The following HDAC9 variants were observed in gnomAD, a reference collection of about 807,000 sequenced individuals.
The protein encoded by HDAC9 is MEF-2 interacting transcription repressor (MITR) protein.
HDAC9 carries 41 observed loss-of-function variants against 139.4 expected under a neutral mutation model. The ratio of observed to expected loss-of-function variants is 0.29; its 90% CI spans 0.23 to 0.38. HDAC9 has a LOEUF of 0.38. Among genes scored for constraint, HDAC9 ranks in the 10% least tolerant of loss-of-function variants. The probability of loss-of-function intolerance (pLI) is 1.00; values close to 1 mark genes in which losing one functional copy is unlikely to be tolerated. For missense variants in HDAC9, 1,147 were observed against 1,297.0 expected, an observed-to-expected ratio of 0.88 and a Z score of 1.78; for synonymous variants, 517 against 476.2, an observed-to-expected ratio of 1.09 and a Z score of -1.12.
Position 18,145,013 on chromosome 7 carries a change from C to T in HDAC9, c.-96-17216C>T, listed in dbSNP as rs573196622. Among the ~76,000 whole-genome samples, 9 of 152,328 alleles carry T rather than the reference C, an allele frequency of 5.9e-5. No individual in the cohort carries two copies. In the South Asian group the frequency reaches 1.4e-3, roughly 25 times the overall value. On this transcript the variant is annotated intron_variant, in intron 1 of 12. Coordinates refer to the HDAC9 transcript ENST00000417496. The stretch of plus-strand genomic sequence containing the variant: ...CACCGACTCTGGGAACACTCCCTAG[C>T]CACAAAGACTTAAGTTTCACTTGCT...
intron 17 of HDAC9, among the ~76,000 whole-genome samples, chr7:18,828,717 C>G (rs1795638521): frequency 3.9e-5 from 6 of 152,116 alleles, no homozygotes. Context: ...TGTAAATAAC[C>G]ATCAAGGAGA....
intron 1 of HDAC9, among the ~76,000 whole-genome samples, chr7:18,406,264 T>C (rs943165015): frequency 6.6e-6 from 1 of 152,176 alleles, no homozygotes; most frequent in South Asian, 2.1e-4. Flanking sequence ...CCAAACATTT[T>C]TATAAGACAA....
chr7:18,971,468 G>T (rs1360815345), intron 24 of HDAC9, among the ~76,000 whole-genome samples: 1 of 152,184 alleles, frequency 6.6e-6, no homozygotes, highest in Non-Finnish European at 1.5e-5. Flanking sequence ...TGTGATAATG[G>T]TGATATTATT....
At chr7:18,278,747 T>C (rs112183916) in intron 2 of HDAC9, among the ~76,000 whole-genome samples, 4 of 152,300 alleles carry the variant, frequency 2.6e-5, no homozygotes, top group East Asian at 3.9e-4. Context: ...CCCCAGGACA[T>C]TGTGAATTTA....
intron 1 of HDAC9, among the ~76,000 whole-genome samples, chr7:18,316,510 C>A (rs911478141): frequency 2.0e-5 from 3 of 151,630 alleles, no homozygotes; most frequent in Non-Finnish European, 4.4e-5. Context: ...AAAAATTCAC[C>A]CATGTTGCCA....
intron 2 of HDAC9, chr7:18,509,295 G>A: frequency 1.0e-6 from 1 of 985,430 alleles, no homozygotes; most frequent in Non-Finnish European, 1.2e-6. Flanking sequence ...TCTGCCTTGT[G>A]GAAGGGGTGG....
In HDAC9 at chr7:18,591,475, A is replaced by ATGTGTGTG. The variant is rs36100341; in HGVS notation, c.416-15_416-8dup. 1,268 of 1,473,914 alleles carry ATGTGTGTG rather than the reference A, an allele frequency of 8.6e-4. 8 individuals are homozygous for ATGTGTGTG. The African/African-American group carries it at 0.016, about 18-fold the overall frequency. The allele number at this position is 1,473,914 out of a possible 1,614,324, so 91.3% of individuals were successfully genotyped here. A position where few individuals can be genotyped will look rare whatever the true frequency, so the allele number is the denominator to read the frequency against. On this transcript the variant is annotated intron_variant, in intron 4 of 25. Transcript: ENST00000686413. ...CATCAACATCTGTTTCTGTGTGTGT[A>ATGTGTGTG]TGTGTGTGTGTGTGTGTGTGTGTGT...
intron 1 of HDAC9, among the ~76,000 whole-genome samples, chr7:18,121,515 C>T (rs1455589904): frequency 2.3e-5 from 3 of 129,686 alleles, no homozygotes; most frequent in Non-Finnish European, 3.2e-5. Flanking sequence ...CTAATACAGC[C>T]AAGGTAAGGT....
chr7:18,590,254 C>A, intron 3 of HDAC9, 82 bp from the exon 4 acceptor site: 3 of 1,401,300 alleles, frequency 2.1e-6, no homozygotes, highest in Non-Finnish European at 2.0e-6. Flanking sequence ...GTTCCAAAAG[C>A]TCATAACATT....
intron 6 of HDAC9, among the ~76,000 whole-genome samples, chr7:18,610,747 G>A (rs1453457989): frequency 6.6e-6 from 1 of 152,128 alleles, no homozygotes; most frequent in Non-Finnish European, 1.5e-5. Flanking sequence ...GCCATCGTAA[G>A]CACTTCAACT....
intron 12 of HDAC9, among the ~76,000 whole-genome samples, chr7:18,717,554 C>T (rs763444214): frequency 7.9e-5 from 12 of 151,626 alleles, no homozygotes; most frequent in Non-Finnish European, 1.6e-4. Flanking sequence ...GCCTCAGCTT[C>T]CCAAGTAGCC....
chr7:18,396,123 C>T (rs1787025076), intron 1 of HDAC9, among the ~76,000 whole-genome samples: 1 of 124,676 alleles, frequency 8.0e-6, no homozygotes, highest in Admixed American at 8.8e-5. Flanking sequence ...CCTTCCCTTC[C>T]CTTCCCTTGC....
chr7:18,279,709 C>G (rs1001175169), intron 2 of HDAC9, among the ~76,000 whole-genome samples: 2 of 152,082 alleles, frequency 1.3e-5, no homozygotes, highest in African/African-American at 4.8e-5. Flanking sequence ...CGTGATCCAC[C>G]CCCCTCGACC....
chr7:18,912,504 G>A (rs1015127179), intron 22 of HDAC9, among the ~76,000 whole-genome samples: 3 of 151,956 alleles, frequency 2.0e-5, no homozygotes, highest in Admixed American at 1.3e-4. Flanking sequence ...GCCTAATTTA[G>A]TTGCTCTCAA....
chr7:18,541,524 G>T (rs1812958794), intron 2 of HDAC9, among the ~76,000 whole-genome samples: 1 of 151,970 alleles, frequency 6.6e-6, no homozygotes, highest in African/African-American at 2.4e-5. Flanking sequence ...TCTCTGGTTG[G>T]AATTTCCTAA....
At chr7:18,421,020 CT>C (rs1789570130) in intron 1 of HDAC9, among the ~76,000 whole-genome samples, 1 of 152,170 alleles carries the variant, frequency 6.6e-6, no homozygotes, top group African/African-American at 2.4e-5. Context: ...AATGCCTTAC[CT>C]TGTACCTTGA....
intron 17 of HDAC9, among the ~76,000 whole-genome samples, chr7:18,806,562 G>A (rs1793728952): frequency 1.3e-5 from 2 of 152,116 alleles, no homozygotes; most frequent in South Asian, 4.1e-4. Context: ...CTGTGACCAC[G>A]GTTGGAAAAG....
intron 1 of HDAC9, among the ~76,000 whole-genome samples, chr7:18,423,878 G>C (rs1417561972): frequency 6.6e-6 from 1 of 152,224 alleles, no homozygotes; most frequent in Non-Finnish European, 1.5e-5. Flanking sequence ...GCAAGGGAAA[G>C]TGGACTTCAC....
At chr7:18,949,435 A>C in intron 23 of HDAC9, 1 of 238,378 alleles carries the variant, frequency 4.2e-6, no homozygotes, top group South Asian at 6.5e-5. Context: ...ATTAATATGC[A>C]CTGGCCCTGA....
Sources: allele counts gnomAD v4.1 joint callset (sites outside exome capture counted in the v4.1 genomes callset), GRCh38; gene constraint gnomAD v4.1.1; transcripts MANE v1.5; gene names NCBI Gene and HGNC (gene_info 2026-07-23, HGNC 2026-07-21).